Variants in PDE10A observed in about 807,000 individuals in gnomAD.
The protein encoded by PDE10A is cAMP and cAMP-inhibited cGMP 3',5'-cyclic phosphodiesterase 10A.
A neutral mutation model predicts 97.7 loss-of-function variants in PDE10A; 39 were observed. The ratio of observed to expected loss-of-function variants is 0.40; its 90% CI spans 0.31 to 0.52. PDE10A has a LOEUF of 0.52. Among genes scored for constraint, PDE10A ranks in the 20% least tolerant of loss-of-function variants. The pLI is 0.56. For synonymous variants in PDE10A, 371 were observed against 376.8 expected, an observed-to-expected ratio of 0.98 and a Z score of 0.18; for missense variants, 731 against 1,047.8, an observed-to-expected ratio of 0.70 and a Z score of 4.17.
chr6:165,854,136 A>C (rs1780647610), intron 1 of PDE10A, among the ~76,000 whole-genome samples: 1 of 152,152 alleles, frequency 6.6e-6, no homozygotes, highest in Non-Finnish European at 1.5e-5. Flanking sequence ...CTCCCGTGCC[A>C]CGGGCGCAGC....
intron 18 of PDE10A, among the ~76,000 whole-genome samples, chr6:165,378,908 G>C (rs915764749): frequency 6.6e-6 from 1 of 152,162 alleles, no homozygotes; most frequent in Non-Finnish European, 1.5e-5. Flanking sequence ...GGGACCTCTT[G>C]GAGAAACATC....
intron 1 of PDE10A, among the ~76,000 whole-genome samples, chr6:165,788,518 C>CAAAAAAAAAAAA (rs56927613): frequency 2.5e-4 from 19 of 74,704 alleles, no homozygotes; most frequent in South Asian, 1.1e-3. Flanking sequence ...AACTCTGTCT[C>CAAAAAAAAAAAA]AAAAAAAAAA....
intron 4 of PDE10A, among the ~76,000 whole-genome samples, chr6:165,449,559 GT>G (rs1288960605): frequency 3.9e-5 from 6 of 152,090 alleles, no homozygotes; most frequent in Non-Finnish European, 7.4e-5. Context: ...TAACCTCTCT[GT>G]TCTATAGCTT....
At chr6:165,915,771 A>C (rs540316273) in intron 1 of PDE10A, among the ~76,000 whole-genome samples, 1 of 152,248 alleles carries the variant, frequency 6.6e-6, no homozygotes, top group Admixed American at 6.5e-5. Context: ...AATCATGGCC[A>C]TGTATGTGCA....
At chr6:165,913,804 C>T (rs143881001) in intron 1 of PDE10A, among the ~76,000 whole-genome samples, 3 of 152,310 alleles carry the variant, frequency 2.0e-5, no homozygotes, top group African/African-American at 7.2e-5. Flanking sequence ...AAGACATGTG[C>T]ATAAACCAGT....
At chr6:165,772,119 A>G (rs541103685) in intron 1 of PDE10A, among the ~76,000 whole-genome samples, 111 of 152,354 alleles carry the variant, frequency 7.3e-4, no homozygotes, top group Non-Finnish European at 1.1e-3. Context: ...AACTCTGATA[A>G]TACCCTATTT....
At chr6:165,720,321 T>C (rs1191308676) in intron 1 of PDE10A, among the ~76,000 whole-genome samples, 9 of 152,196 alleles carry the variant, frequency 5.9e-5, no homozygotes, top group Admixed American at 5.2e-4. Flanking sequence ...CATGTCCTGC[T>C]ATCAGAGTCA....
intron 1 of PDE10A, among the ~76,000 whole-genome samples, chr6:165,759,351 T>C (rs6910770): frequency 0.028 from 4,192 of 152,236 alleles, 170 homozygotes; most frequent in African/African-American, 0.092. Flanking sequence ...TGAGAGAACA[T>C]TCTGAATCTC....
chr6:165,715,916 C>T (rs776138130), intron 1 of PDE10A, among the ~76,000 whole-genome samples: 3 of 152,196 alleles, frequency 2.0e-5, no homozygotes, highest in Non-Finnish European at 4.4e-5. Flanking sequence ...ACAGTCAGGT[C>T]TCCTCTTCTT....
chr6:165,853,273 G>A (rs955981354), intron 1 of PDE10A, among the ~76,000 whole-genome samples: 3 of 152,094 alleles, frequency 2.0e-5, no homozygotes, highest in African/African-American at 7.2e-5. Context: ...ATCACTTTAT[G>A]TTTGTTCTGG....
chr6:165,580,753 A>G (rs553303459), intron 1 of PDE10A, among the ~76,000 whole-genome samples: 1 of 150,344 alleles, frequency 6.7e-6, no homozygotes, highest in African/African-American at 2.5e-5. Context: ...CAAAGAAGAT[A>G]GTAAGTCTCC....
At chr6:165,800,084 T>G (rs1778943105) in intron 1 of PDE10A, among the ~76,000 whole-genome samples, 1 of 152,248 alleles carries the variant, frequency 6.6e-6, no homozygotes, top group Admixed American at 6.5e-5. Context: ...CCGTGGCACC[T>G]TCTTTCTGAG....
chr6:165,429,024 T>C (rs1434519968), intron 9 of PDE10A, among the ~76,000 whole-genome samples: 2 of 152,076 alleles, frequency 1.3e-5, no homozygotes, highest in Non-Finnish European at 2.9e-5. Context: ...GAAATAAAAT[T>C]GCATCCACCA....
intron 1 of PDE10A, among the ~76,000 whole-genome samples, chr6:165,914,203 T>A (rs749909553): frequency 6.6e-6 from 1 of 152,220 alleles, no homozygotes. Flanking sequence ...GCAGTTCCCA[T>A]AGAAACATGT....
At chr6:165,483,680 G>T (rs1479504311) in intron 2 of PDE10A, among the ~76,000 whole-genome samples, 1 of 152,132 alleles carries the variant, frequency 6.6e-6, no homozygotes, top group East Asian at 1.9e-4. Flanking sequence ...CAATTAAAAG[G>T]TATATAATTA....
intron 2 of PDE10A, among the ~76,000 whole-genome samples, chr6:165,525,814 T>C (rs1782407401): frequency 6.6e-6 from 1 of 152,176 alleles, no homozygotes; most frequent in Non-Finnish European, 1.5e-5. Flanking sequence ...AGAATATTCT[T>C]ACTCGTGTAG....
intron 1 of PDE10A, among the ~76,000 whole-genome samples, chr6:165,699,801 A>G (rs1262353080): frequency 1.3e-5 from 2 of 152,222 alleles, no homozygotes; most frequent in African/African-American, 2.4e-5. Flanking sequence ...AAGACATAGC[A>G]TACCAAAACT....
At chr6:165,896,804 G>A (rs951743128) in intron 1 of PDE10A, among the ~76,000 whole-genome samples, 1 of 151,774 alleles carries the variant, frequency 6.6e-6, no homozygotes, top group African/African-American at 2.4e-5. Context: ...GATTACATGC[G>A]TGAGCCACCG....
At chr6:165,762,043 A>G (rs2128458158) in intron 1 of PDE10A, among the ~76,000 whole-genome samples, 1 of 152,378 alleles carries the variant, frequency 6.6e-6, no homozygotes, top group East Asian at 1.9e-4. Flanking sequence ...CCTTTCTCAG[A>G]AAACCAACCA....
Sources: gnomAD v4.1 joint callset for allele counts (sites outside exome capture counted in the v4.1 genomes callset) on GRCh38, gnomAD v4.1.1 for gene constraint, MANE v1.5 for transcripts, NCBI Gene and HGNC (gene_info 2026-07-23, HGNC 2026-07-21) for gene names.